CAPZB: variants seen among roughly 807,000 people sequenced by gnomAD.
The protein encoded by CAPZB is F-actin-capping protein subunit beta.
In CAPZB, 2 loss-of-function variants were observed where a neutral mutation model predicts 38.1. The observed-to-expected ratio is 0.05, with a 90% CI of 0.02 to 0.17. The LOEUF (loss-of-function observed/expected upper bound fraction) is 0.17, where lower values mean the gene tolerates loss of function less well. Ranked by LOEUF, CAPZB falls within the 10% of genes least tolerant of loss-of-function variation. CAPZB has a pLI of 1.00. For missense variants in CAPZB, 161 were observed against 334.2 expected (o/e 0.48, Z 4.04); for synonymous variants, 107 against 127.4 (o/e 0.84, Z 1.08).
intron 1 of CAPZB, among the ~76,000 whole-genome samples, chr1:19,469,824 C>T (rs533325479): frequency 4.6e-5 from 7 of 151,594 alleles, no homozygotes; most frequent in South Asian, 2.1e-4. Context: ...CAGTAAAGGG[C>T]TTGCAAATTG....
chr1:19,420,071 G>A (rs376944371), intron 1 of CAPZB: 27 of 286,418 alleles, frequency 9.4e-5, no homozygotes, highest in African/African-American at 3.9e-4. Context: ...TGCAGATGTC[G>A]TGCCCCCCAG....
At chr1:19,438,454 G>A (rs1210600129) in intron 1 of CAPZB, among the ~76,000 whole-genome samples, 43 of 152,178 alleles carry the variant, frequency 2.8e-4, no homozygotes. Context: ...AGGTTTTAAT[G>A]AGAAAATTCA....
chr1:19,368,363 G>A (rs571141020), intron 4 of CAPZB, among the ~76,000 whole-genome samples: 1 of 152,268 alleles, frequency 6.6e-6, no homozygotes, highest in South Asian at 2.1e-4. Context: ...AGAAAGTCAG[G>A]CCAAGTGCAG....
intron 1 of CAPZB, among the ~76,000 whole-genome samples, chr1:19,436,713 A>G (rs925958590): frequency 6.6e-6 from 1 of 152,184 alleles, no homozygotes; most frequent in African/African-American, 2.4e-5. Flanking sequence ...CTGTTATTTT[A>G]AGGATTATGT....
At chr1:19,479,072 TG>T (rs2094618128) in intron 1 of CAPZB, among the ~76,000 whole-genome samples, 1 of 152,208 alleles carries the variant, frequency 6.6e-6, no homozygotes, top group African/African-American at 2.4e-5. Flanking sequence ...TAGCTAGGCA[TG>T]GTGGTACGCA....
chr1:19,417,781 C>T (rs1163538601), intron 2 of CAPZB, among the ~76,000 whole-genome samples: 3 of 152,086 alleles, frequency 2.0e-5, no homozygotes, highest in African/African-American at 4.8e-5. Context: ...TTCACATGCT[C>T]AGGCCCAGGT....
chr1:19,349,502 C>T (rs891865116), intron 6 of CAPZB, among the ~76,000 whole-genome samples: 1 of 152,194 alleles, frequency 6.6e-6, no homozygotes, highest in Non-Finnish European at 1.5e-5. Flanking sequence ...AGGCCGCGGC[C>T]ATCGGCAAAG....
intron 2 of CAPZB, among the ~76,000 whole-genome samples, chr1:19,417,607 C>T (rs928517283): frequency 6.6e-6 from 1 of 152,128 alleles, no homozygotes. Context: ...CAAGTTCAGC[C>T]GTCAGTGGGC....
At chr1:19,431,932 G>A (rs2094443108) in intron 1 of CAPZB, among the ~76,000 whole-genome samples, 1 of 149,714 alleles carries the variant, frequency 6.7e-6, no homozygotes, top group South Asian at 2.1e-4. Context: ...TTTTAAATTA[G>A]CCAGGTGTGG....
chr1:19,351,694 G>A (rs1012389033), intron 6 of CAPZB, among the ~76,000 whole-genome samples: 1 of 152,172 alleles, frequency 6.6e-6, no homozygotes, highest in Non-Finnish European at 1.5e-5. Context: ...ATCAAGGTCT[G>A]GGTGATTCTG....
At chr1:19,483,732 A>G (rs2094639339) in intron 1 of CAPZB, among the ~76,000 whole-genome samples, 1 of 152,216 alleles carries the variant, frequency 6.6e-6, no homozygotes, top group Non-Finnish European at 1.5e-5. Context: ...GTTCTCCATC[A>G]AGGCCTGGGG....
intron 1 of CAPZB, among the ~76,000 whole-genome samples, chr1:19,483,201 G>A (rs2094636641): frequency 6.8e-6 from 1 of 146,038 alleles, no homozygotes; most frequent in Non-Finnish European, 1.5e-5. Context: ...TACAATACAT[G>A]GGCAATAAAT....
chr1:19,348,744 G>A (rs1006369821), intron 6 of CAPZB, among the ~76,000 whole-genome samples: 16 of 126,766 alleles, frequency 1.3e-4, no homozygotes, highest in East Asian at 9.7e-4. Context: ...CTGAGAAAAC[G>A]GGTGGCATCT....
At chr1:19,397,155 G>A (rs1012605606) in intron 2 of CAPZB, among the ~76,000 whole-genome samples, 3 of 152,114 alleles carry the variant, frequency 2.0e-5, no homozygotes, top group East Asian at 1.9e-4. Flanking sequence ...TTTTGTTCTC[G>A]TCAACATTTT....
chr1:19,406,722 T>C (rs2094334297), intron 2 of CAPZB, among the ~76,000 whole-genome samples: 2 of 152,182 alleles, frequency 1.3e-5, no homozygotes, highest in East Asian at 3.8e-4. Context: ...ATCAACCTTG[T>C]GGTGTGCAGT....
chr1:19,373,371 T>C (rs2100397212), intron 4 of CAPZB, among the ~76,000 whole-genome samples: 1 of 152,272 alleles, frequency 6.6e-6, no homozygotes, highest in East Asian at 1.9e-4. Context: ...GGTCAACCCG[T>C]CCCCTGGCCC....
Position 19,448,786 on chromosome 1 carries a change from G to A in CAPZB, c.4-29036C>T, listed in dbSNP as rs373139922. 232 of 1,609,068 alleles carry A rather than the reference G, an allele frequency of 1.4e-4. No individual in the cohort carries two copies. In the African/African-American group the frequency reaches 2.7e-3, roughly 19 times the overall value. ...TTAACATTTCAACCCTGATGGCCAC[G>A]GCCACCTGTTGCTCCTCCTCCCCCC... On this transcript the variant is annotated intron_variant, in intron 1 of 8. Transcript: ENST00000264202.
At chr1:19,346,586 C>G (rs1386284242) in intron 6 of CAPZB, among the ~76,000 whole-genome samples, 1 of 151,736 alleles carries the variant, frequency 6.6e-6, no homozygotes, top group Non-Finnish European at 1.5e-5. Flanking sequence ...GGGGGAGATA[C>G]TGTCTCAGAG....
chr1:19,394,023 C>T (rs760575653), intron 2 of CAPZB, among the ~76,000 whole-genome samples: 10 of 152,330 alleles, frequency 6.6e-5, no homozygotes, highest in East Asian at 1.9e-4. Flanking sequence ...GTTTTTGAGA[C>T]GAAGTCTCGC....
Sources: gnomAD v4.1 joint callset for allele counts (sites outside exome capture counted in the v4.1 genomes callset) on GRCh38, gnomAD v4.1.1 for gene constraint, MANE v1.5 for transcripts, NCBI Gene and HGNC (gene_info 2026-07-23, HGNC 2026-07-21) for gene names.